Variants in FBXW10B observed in about 807,000 individuals in gnomAD.
The protein encoded by FBXW10B is F-box and WD repeat domain containing 10B.
the FBXW10B span, chr17:15,566,196 G>C: frequency 1.6e-5 from 26 of 1,612,268 alleles, no homozygotes; most frequent in Admixed American, 3.5e-4. Flanking sequence ...TACAGGGATA[G>C]GCAAATTCCC....
the FBXW10B span, among the ~76,000 whole-genome samples, chr17:15,601,216 T>C: frequency 6.7e-6 from 1 of 148,876 alleles, no homozygotes; most frequent in East Asian, 2.0e-4. Flanking sequence ...GAGACCATCC[T>C]GGCTAACACG....
chr17:15,608,597 G>A, the FBXW10B span, among the ~76,000 whole-genome samples: 1 of 152,006 alleles, frequency 6.6e-6, no homozygotes, highest in Non-Finnish European at 1.5e-5. Context: ...GGGATTACAG[G>A]CATGTGCCAC....
At chr17:15,566,224 T>A in the FBXW10B span, 5 of 1,612,322 alleles carry the variant, frequency 3.1e-6, no homozygotes, top group Non-Finnish European at 4.2e-6. Flanking sequence ...ACGGGCGTGC[T>A]GCAGGGCGCT....
At chr17:15,610,891 A>C in the FBXW10B span, among the ~76,000 whole-genome samples, 1 of 152,198 alleles carries the variant, frequency 6.6e-6, no homozygotes, top group South Asian at 2.1e-4. Context: ...GTTCAAATGA[A>C]TACCTCTTTC....
At chr17:15,574,295 C>T in the FBXW10B span, 1 of 522,374 alleles carries the variant, frequency 1.9e-6, no homozygotes, top group Non-Finnish European at 3.3e-6. Context: ...AAATACTGGT[C>T]TTCCTGTTTT....
At chr17:15,601,408 C>CAAAAA in the FBXW10B span, among the ~76,000 whole-genome samples, 1 of 66,612 alleles carries the variant, frequency 1.5e-5, no homozygotes, top group Admixed American at 1.6e-4. Context: ...GACTCCGTCT[C>CAAAAA]AAAAAAAAAA....
At chr17:15,617,394 C>A in the FBXW10B span, among the ~76,000 whole-genome samples, 9 of 152,146 alleles carry the variant, frequency 5.9e-5, no homozygotes, top group Non-Finnish European at 1.3e-4. Flanking sequence ...CTTTCTCCCA[C>A]CTCTGCTTAA....
At chr17:15,616,814 A>G in the FBXW10B span, among the ~76,000 whole-genome samples, 1 of 143,476 alleles carries the variant, frequency 7.0e-6, no homozygotes, top group African/African-American at 2.7e-5. Flanking sequence ...TCTGTCTCAA[A>G]AAAAAAAAAA....
At chr17:15,601,232 AC>A in the FBXW10B span, among the ~76,000 whole-genome samples, 2 of 145,120 alleles carry the variant, frequency 1.4e-5, no homozygotes, top group Non-Finnish European at 3.0e-5. Context: ...ACACGGTGAA[AC>A]CCCGTCTCTA....
the FBXW10B span, chr17:15,595,060 G>A: frequency 5.7e-6 from 3 of 530,446 alleles, no homozygotes; most frequent in South Asian, 8.2e-5. Flanking sequence ...GGCCAATGGA[G>A]GCCGGGCGCG....
the FBXW10B span, among the ~76,000 whole-genome samples, chr17:15,617,376 C>A: frequency 6.6e-6 from 1 of 152,118 alleles, no homozygotes; most frequent in African/African-American, 2.4e-5. Flanking sequence ...GTGACCACCC[C>A]CTCCCAGCTT....
chr17:15,583,444 A>G, the FBXW10B span, among the ~76,000 whole-genome samples: 458 of 148,502 alleles, frequency 3.1e-3, 2 homozygotes, highest in African/African-American at 0.011. Flanking sequence ...TGCCTTGGCC[A>G]CGAACTGACC....
the FBXW10B span, among the ~76,000 whole-genome samples, chr17:15,606,442 G>A: frequency 6.8e-6 from 1 of 148,132 alleles, no homozygotes; most frequent in Non-Finnish European, 1.5e-5. Context: ...GAGGAGAATC[G>A]CTTGAACCCA....
the FBXW10B span, among the ~76,000 whole-genome samples, chr17:15,580,786 G>A: frequency 6.6e-6 from 1 of 151,326 alleles, no homozygotes; most frequent in Non-Finnish European, 1.5e-5. Flanking sequence ...GTTCACTGCT[G>A]TACAGCTACA....
the FBXW10B span, among the ~76,000 whole-genome samples, chr17:15,597,463 T>TAA: frequency 0.2 from 24,484 of 121,060 alleles, 3,379 homozygotes; most frequent in African/African-American, 0.37. Flanking sequence ...CCGTCTCTAC[T>TAA]AAAAAAAAAA....
chr17:15,567,086 A>G, the FBXW10B span, among the ~76,000 whole-genome samples: 13 of 150,950 alleles, frequency 8.6e-5, no homozygotes, highest in Non-Finnish European at 1.5e-4. Context: ...CCTGGCTAAC[A>G]CGGTGAAACC....
At chr17:15,617,905 T>C in the FBXW10B span, among the ~76,000 whole-genome samples, 1 of 152,298 alleles carries the variant, frequency 6.6e-6, no homozygotes, top group Non-Finnish European at 1.5e-5. Context: ...ACACCACCCT[T>C]ATTGTTTCTT....
At chr17:15,594,342 G>T in the FBXW10B span, among the ~76,000 whole-genome samples, 2 of 151,738 alleles carry the variant, frequency 1.3e-5, no homozygotes, top group East Asian at 3.9e-4. Flanking sequence ...TGTGGTGGTG[G>T]GCGCCTGTAG....
At chr17:15,615,651 T>C in the FBXW10B span, 8 of 1,613,844 alleles carry the variant, frequency 5.0e-6, no homozygotes, top group Non-Finnish European at 5.1e-6. Context: ...TTACCAGGGT[T>C]AGATGCTGCC....
Sources: allele counts gnomAD v4.1 joint callset (sites outside exome capture counted in the v4.1 genomes callset), GRCh38; gene constraint gnomAD v4.1.1; transcripts MANE v1.5; gene names NCBI Gene and HGNC (gene_info 2026-07-23, HGNC 2026-07-21).